The following FURIN variants were observed in gnomAD, a reference collection of about 807,000 sequenced individuals.
The protein encoded by FURIN is FES upstream region.
A neutral mutation model predicts 89.2 loss-of-function variants in FURIN; 18 were observed. The observed-to-expected ratio is 0.20, with a 90% CI of 0.14 to 0.30. The LOEUF is 0.30. Ranked by LOEUF, FURIN falls within the 10% of genes least tolerant of loss-of-function variation. The pLI is 1.00. For missense variants in FURIN, 879 were observed against 1,100.5 expected (o/e 0.80, Z 2.85); for synonymous variants, 508 against 466.4 (o/e 1.09, Z -1.15).
Position 90,882,078 on chromosome 15 carries a change from C to T in FURIN, c.*200C>T. ...CAGCTGGGGCGTGGGGAGGGCCGTA[C>T]CCCACCCTCAGCACCCCTTCCATGT... On this transcript the variant is annotated 3_prime_UTR_variant, in exon 16 of 16. Coordinates refer to ENST00000268171, the MANE Select transcript of FURIN (RefSeq NM_002569.4). 4 of 572,804 alleles carry T rather than the reference C, an allele frequency of 7.0e-6. No individual in the cohort carries two copies. Among genetic ancestry groups the T allele is most frequent in the Non-Finnish European group, 1.2e-5 (4 of 322,148 alleles). The allele number at this position is 572,804 out of a possible 1,614,324, so 35.5% of individuals were successfully genotyped here.
rs948057544 is a variant in FURIN at position 90,883,235 on chromosome 15, C to T, written c.*1357C>T. ...CTGGGAGTCCCCTTTTCTTTTCTACCCTAGCCATTCCTGGTACCCAGCCAT... is the reference window on the plus strand; with the variant it reads ...CTGGGAGTCCCCTTTTCTTTTCTACTCTAGCCATTCCTGGTACCCAGCCAT... On this transcript the variant is annotated 3_prime_UTR_variant, in exon 16 of 16. Coordinates refer to ENST00000268171, the MANE Select transcript of FURIN (RefSeq NM_002569.4). 1.3e-5 allele frequency: 2 copies of T among 152,828 alleles called. No homozygotes were observed. The highest frequency in any genetic ancestry group is 2.9e-5 in the Non-Finnish European group (2 of 68,188). The allele number at this position is 152,828 out of a possible 1,614,324, so 9.5% of individuals were successfully genotyped here. A position where few individuals can be genotyped will look rare whatever the true frequency, so the allele number is the denominator to read the frequency against.
intron 7 of FURIN, 45 bp downstream of exon 7, chr15:90,877,660 G>T: frequency 7.3e-7 from 1 of 1,378,248 alleles, no homozygotes; most frequent in East Asian, 2.5e-5. Flanking sequence ...GGGCCCTTCA[G>T]TGGAATTTTT....
rs752074498 is a variant in FURIN at position 90,882,272 on chromosome 15, G to A, written c.*394G>A. ...AATAATGGTCCCATCCAGGCAGTCG[G>A]GGGCTGGCCTAGGAGATATCTGAGG... On this transcript the variant is annotated 3_prime_UTR_variant, in exon 16 of 16. Transcript: ENST00000268171. The A allele has an allele frequency of 9.1e-6, 2 of 220,772 alleles. No individual in the cohort carries two copies. The highest frequency in any genetic ancestry group is 1.5e-4 in the East Asian group (1 of 6,516). 13.7% of individuals were successfully genotyped at this position (220,772 alleles called of 1,614,324 possible).
intron 6 of FURIN, 114 bp from the exon 7 acceptor site, chr15:90,877,413 A>G (rs2151224330): frequency 1.1e-6 from 1 of 932,164 alleles, no homozygotes; most frequent in Non-Finnish European, 1.6e-6. Context: ...GGGGCTGGGT[A>G]CTCAGGGGAT....
In FURIN at chr15:90,876,186, A is replaced by ACCCCCGT. The variant is rs2031609777; in HGVS notation, c.178-62_178-56dup. 8.4e-6 allele frequency: 9 copies of ACCCCCGT among 1,069,046 alleles called. No individual in the cohort carries two copies. The highest frequency in any genetic ancestry group is 1.8e-5 in the Admixed American group (1 of 57,086). 66.2% of individuals were successfully genotyped at this position (1,069,046 alleles called of 1,614,324 possible). On this transcript the variant is annotated intron_variant, in intron 2 of 15. Transcript: ENST00000268171. The surrounding 1 kb of genome is among the most constrained non-coding windows in gnomAD (Gnocchi z 5.0). Reference sequence around the variant, plus strand: ...CGAGCCTCCCATGAAGCCGTTGTCCACCCCCGTCCCCCGCCTCCCGGGGAC... The same window carrying ACCCCCGT: ...CGAGCCTCCCATGAAGCCGTTGTCCACCCCCGTCCCCCGTCCCCCGCCTCCCGGGGAC...
At chr15:90,870,140 A>C (rs2031219733) in intron 1 of FURIN, among the ~76,000 whole-genome samples, 1 of 152,202 alleles carries the variant, frequency 6.6e-6, no homozygotes, top group Non-Finnish European at 1.5e-5. Context: ...ACCTGATCCC[A>C]TTCACTAAAT....
At position 90,876,188 on chromosome 15, in the gene FURIN, C is replaced by A; in HGVS notation, c.178-67C>A. On this transcript the variant is annotated intron_variant, in intron 2 of 15. Transcript: ENST00000268171. The surrounding 1 kb of genome is among the most constrained non-coding windows in gnomAD (Gnocchi z 5.0). ...AGCCTCCCATGAAGCCGTTGTCCAC[C>A]CCCGTCCCCCGCCTCCCGGGGACTG... is the stretch of plus-strand genomic sequence containing the variant. The A allele has an allele frequency of 9.3e-7, 1 of 1,076,310 alleles. No individual in the cohort carries two copies. Among genetic ancestry groups the A allele is most frequent in the Non-Finnish European group, 1.4e-6 (1 of 721,868 alleles). 66.7% of individuals were successfully genotyped at this position (1,076,310 alleles called of 1,614,324 possible). A position where few individuals can be genotyped will look rare whatever the true frequency, so the allele number is the denominator to read the frequency against.
At chr15:90,871,312 G>A (rs2031275816) in intron 1 of FURIN, among the ~76,000 whole-genome samples, 1 of 152,084 alleles carries the variant, frequency 6.6e-6, no homozygotes, top group South Asian at 2.1e-4. Flanking sequence ...AGCTCGCGGG[G>A]CGAAGAGCCG....
chr15:90,878,069 G>A, intron 7 of FURIN, 63 bp from the exon 8 acceptor site: 1 of 1,543,486 alleles, frequency 6.5e-7, no homozygotes, highest in Non-Finnish European at 8.9e-7. Flanking sequence ...TGCTCCTTGG[G>A]GTGGGGGCCC....
chr15:90,881,245 G>A lies in FURIN; in HGVS notation c.1793-41G>A, dbSNP rs1327514079. On this transcript the variant is annotated intron_variant, in intron 15 of 15. Transcript: ENST00000268171. The surrounding 1 kb of genome is among the most constrained non-coding windows in gnomAD (Gnocchi z 4.3). ...TGCTGTGGTCCTGGGGCTACAGTCT[G>A]TTTAGCTGACACACACTTGCCCTCT... 2 of 1,477,780 alleles carry A rather than the reference G, an allele frequency of 1.4e-6. No homozygotes were observed. Among genetic ancestry groups the A allele is most frequent in the South Asian group, 2.5e-5 (2 of 81,474 alleles). 91.5% of individuals were successfully genotyped at this position (1,477,780 alleles called of 1,614,324 possible).
At chr15:90,872,570 A>G (rs976503567) in intron 1 of FURIN, among the ~76,000 whole-genome samples, 2 of 152,098 alleles carry the variant, frequency 1.3e-5, no homozygotes, top group Admixed American at 1.3e-4. Context: ...TATTTCCTAT[A>G]TTGGGCTTCT....
chr15:90,873,456 C>T (rs531434903), intron 1 of FURIN, among the ~76,000 whole-genome samples: 67 of 152,320 alleles, frequency 4.4e-4, no homozygotes, highest in African/African-American at 1.5e-3. Context: ...GATTTGGGGG[C>T]TCCAGCAGGA....
In FURIN at chr15:90,876,089, G is replaced by GT. The variant is rs1451926169; in HGVS notation, c.178-165dup. On this transcript the variant is annotated intron_variant, in intron 2 of 15. Coordinates refer to ENST00000268171, the MANE Select transcript of FURIN (RefSeq NM_002569.4). The surrounding 1 kb of genome is among the most constrained non-coding windows in gnomAD (Gnocchi z 5.0). Reference sequence around the variant, plus strand: ...AGGCAAGCAGCATATCCCAGTGAGAGTGAGTCCTCATGGTCCCCGCATTTT... The same window carrying GT: ...AGGCAAGCAGCATATCCCAGTGAGAGTTGAGTCCTCATGGTCCCCGCATTTT... Among the ~76,000 whole-genome samples the GT allele has an allele frequency of 6.6e-6, 1 of 152,152 alleles. No homozygotes were observed. Among genetic ancestry groups the GT allele is most frequent in the Admixed American group, 6.5e-5 (1 of 15,272 alleles).
At chr15:90,869,534 G>A (rs1022080637) in intron 1 of FURIN, among the ~76,000 whole-genome samples, 9 of 152,212 alleles carry the variant, frequency 5.9e-5, no homozygotes, top group Non-Finnish European at 1.3e-4. Flanking sequence ...AGCAGAGAGA[G>A]GTGCTCAACT....
rs199849515 is a variant in FURIN, at chr15:90,878,267, G to A, written c.803G>A (p.Arg268His). Residue 268 changes from arginine (R) to histidine (H), a missense_variant, in exon 8 of 16, where the codon CGC becomes CAC. By Grantham distance (29) the Arg-to-His change is conservative. This residue lies in a region of FURIN where 156 missense variants were observed against 243.7 expected (regional missense o/e 0.64). Coordinates refer to ENST00000268171, the MANE Select transcript of FURIN (RefSeq NM_002569.4). ...DDGKTVDGPARLAEEAFFRGV... is the reference protein window; with the variant it reads ...DDGKTVDGPAHLAEEAFFRGV... ...GGCAAGACAGTGGATGGGCCAGCCC[G>A]CCTCGCCGAGGAGGCCTTCTTCCGT... 2.4e-5 allele frequency: 39 copies of A among 1,607,546 alleles called. No homozygotes were observed. Among genetic ancestry groups the A allele is most frequent in the African/African-American group, 4.0e-5 (3 of 74,890 alleles).
In FURIN at chr15:90,880,681, C is replaced by G; in HGVS notation, c.1557-10C>G. On this transcript the variant is annotated splice_polypyrimidine_tract_variant and intron_variant, in intron 13 of 15. Transcript: ENST00000268171. ...AGAGGCCTCAGGGCTGTGTGCACTCCCCTCCCCAGGCCACATGACTACTCC... is the reference window on the plus strand; with the variant it reads ...AGAGGCCTCAGGGCTGTGTGCACTCGCCTCCCCAGGCCACATGACTACTCC... 1 of 1,609,688 alleles carries G rather than the reference C, an allele frequency of 6.2e-7. No individual in the cohort carries two copies. Among genetic ancestry groups the G allele is most frequent in the Non-Finnish European group, 8.5e-7 (1 of 1,177,562 alleles).
Position 90,879,792 on chromosome 15 carries a change from C to T in FURIN, c.1258+18C>T, listed in dbSNP as rs6496734. ...CCGGAAAGGTGAGGGCAGGCTGGCC[C>T]GGCAGGCTGGATGTGGAGTTAGGTA... On this transcript the variant is annotated intron_variant, in intron 11 of 15. Coordinates refer to ENST00000268171, the MANE Select transcript of FURIN (RefSeq NM_002569.4). 0.01 allele frequency: 16,475 copies of T among 1,610,166 alleles called. 1,324 individuals are homozygous for T. The African/African-American group carries it at 0.18, about 18-fold the overall frequency.
Position 90,882,086 on chromosome 15 carries a change from T to C in FURIN, c.*208T>C, listed in dbSNP as rs1019813164. 2.0e-5 allele frequency: 11 copies of C among 558,092 alleles called. No individual in the cohort carries two copies. In the Admixed American group the frequency reaches 2.4e-4, roughly 12 times the overall value. 34.6% of individuals were successfully genotyped at this position (558,092 alleles called of 1,614,324 possible). On this transcript the variant is annotated 3_prime_UTR_variant, in exon 16 of 16. Transcript: ENST00000268171. ...GCGTGGGGAGGGCCGTACCCCACCC[T>C]CAGCACCCCTTCCATGTGGAGAAAG...
At chr15:90,877,079 G>C in intron 5 of FURIN, 55 bp downstream of exon 5, 2 of 1,612,254 alleles carry the variant, frequency 1.2e-6, no homozygotes, top group Non-Finnish European at 1.7e-6. Flanking sequence ...TCTAGAGGCT[G>C]TCTTGTTCTA....
Sources: gnomAD v4.1 joint callset for allele counts (sites outside exome capture counted in the v4.1 genomes callset) on GRCh38, gnomAD v4.1.1 for gene constraint, gnomAD v4.1.1 regional missense constraint, Gnocchi (gnomAD v3.1) non-coding constraint, MANE v1.5 for transcripts, NCBI Gene and HGNC (gene_info 2026-07-23, HGNC 2026-07-21) for gene names.